CCDC7: variants seen among roughly 807,000 people sequenced by gnomAD.
CCDC7 encodes the protein coiled-coil domain-containing protein 7.
In CCDC7, 183 loss-of-function variants were observed where a neutral mutation model predicts 196.9. That is an observed-to-expected ratio of 0.93 (90% CI 0.82 to 1.05). The LOEUF is 1.05. Ranked by LOEUF, CCDC7 falls within the 50% of genes least tolerant of loss-of-function variation. CCDC7 has a pLI of 0.00. For missense variants in CCDC7, 1,540 were observed against 1,482.2 expected, an observed-to-expected ratio of 1.04 and a Z score of -0.64; for synonymous variants, 525 against 484.6, an observed-to-expected ratio of 1.08 and a Z score of -1.10.
intron 24 of CCDC7, among the ~76,000 whole-genome samples, chr10:32,708,820 A>G (rs1026019323): frequency 6.6e-6 from 1 of 152,196 alleles, no homozygotes; most frequent in Non-Finnish European, 1.5e-5. Flanking sequence ...GTCAGAAAAC[A>G]ACAGGTGCTG....
intron 20 of CCDC7, among the ~76,000 whole-genome samples, chr10:32,658,944 T>G (rs963818850): frequency 5.3e-5 from 8 of 152,208 alleles, no homozygotes; most frequent in African/African-American, 1.9e-4. Context: ...TTTGTATAGC[T>G]AAAATTTTGC....
At chr10:32,759,033 C>A (rs1485536366) in intron 28 of CCDC7, among the ~76,000 whole-genome samples, 2 of 152,180 alleles carry the variant, frequency 1.3e-5, no homozygotes, top group Middle Eastern at 6.8e-3. Context: ...ATCCAACTTA[C>A]AAGGGATGTG....
intron 18 of CCDC7, chr10:32,623,587 C>A (rs764696775): frequency 7.4e-5 from 28 of 376,798 alleles, no homozygotes; most frequent in Non-Finnish European, 1.2e-4. Flanking sequence ...CCCTTAGTTG[C>A]CTTACCTCAA....
chr10:32,533,279 A>ACACAC (rs1589608702), intron 11 of CCDC7, among the ~76,000 whole-genome samples: 2 of 150,726 alleles, frequency 1.3e-5, no homozygotes, highest in Non-Finnish European at 3.0e-5. Flanking sequence ...ACACACACAC[A>ACACAC]ATTCTACACT....
intron 28 of CCDC7, among the ~76,000 whole-genome samples, chr10:32,750,498 G>C (rs1339887086): frequency 6.6e-6 from 1 of 152,192 alleles, no homozygotes; most frequent in Non-Finnish European, 1.5e-5. Context: ...TCTATGGAGA[G>C]AGTAGTGTAA....
intron 8 of CCDC7, among the ~76,000 whole-genome samples, chr10:32,475,979 C>T (rs1460978521): frequency 3.3e-5 from 5 of 152,112 alleles, no homozygotes; most frequent in Non-Finnish European, 7.4e-5. Flanking sequence ...CCCCCATTCC[C>T]GCATAAAGCT....
Position 32,860,965 on chromosome 10 carries a change from C to T in CCDC7, c.4111+6476C>T, listed in dbSNP as rs1465659318. 4.0e-5 allele frequency among the ~76,000 whole-genome samples: 6 copies of T among 151,766 alleles called. No individual in the cohort carries two copies. In the East Asian group the frequency reaches 5.8e-4, roughly 15 times the overall value. On this transcript the variant is annotated intron_variant, in intron 41 of 41. Coordinates refer to ENST00000639629, the Ensembl canonical transcript of CCDC7. ...GGTCATGGATAGGAAGAATCAATAT[C>T]GTGAAAATGGCCATACTGCCCAAAG...
intron 21 of CCDC7, among the ~76,000 whole-genome samples, chr10:32,683,969 C>T (rs977207130): frequency 6.6e-6 from 1 of 152,156 alleles, no homozygotes; most frequent in African/African-American, 2.4e-5. Context: ...GTCTCTCTAT[C>T]CTCAGGGCAA....
intron 25 of CCDC7, among the ~76,000 whole-genome samples, chr10:32,713,913 C>G (rs2081211492): frequency 6.6e-6 from 1 of 152,186 alleles, no homozygotes; most frequent in African/African-American, 2.4e-5. Flanking sequence ...GGTTTGATAA[C>G]CAGCAGAATT....
chr10:32,535,628 C>T (rs2050350697), intron 11 of CCDC7, among the ~76,000 whole-genome samples: 1 of 152,102 alleles, frequency 6.6e-6, no homozygotes, highest in South Asian at 2.1e-4. Flanking sequence ...AGAGAAGGGG[C>T]TTGGAGACCA....
chr10:32,544,152 T>G (rs1200774665), intron 12 of CCDC7, 95 bp from the exon 14 acceptor site: 1 of 1,066,378 alleles, frequency 9.4e-7, no homozygotes, highest in African/African-American at 1.7e-5. Flanking sequence ...AAAACTTCAT[T>G]ATTTTAAAAT....
At chr10:32,499,925 G>T (rs537100443) in intron 9 of CCDC7, among the ~76,000 whole-genome samples, 10 of 152,356 alleles carry the variant, frequency 6.6e-5, no homozygotes, top group Non-Finnish European at 8.8e-5. Context: ...TGGGGGTAAG[G>T]TTATAGATTA....
intron 18 of CCDC7, among the ~76,000 whole-genome samples, chr10:32,597,131 GT>G (rs1436453089): frequency 6.6e-6 from 1 of 152,138 alleles, no homozygotes; most frequent in Non-Finnish European, 1.5e-5. Context: ...TTCCAACTTG[GT>G]TCCATTCTCC....
chr10:32,797,987 G>T (rs1211972666), intron 29 of CCDC7, among the ~76,000 whole-genome samples: 1 of 152,218 alleles, frequency 6.6e-6, no homozygotes, highest in African/African-American at 2.4e-5. Context: ...CCATGAGCAT[G>T]AGTCTACTGC....
exon 39 of CCDC7, chr10:32,848,702 A>C: frequency 6.5e-7 from 1 of 1,543,544 alleles, no homozygotes. Context: ...TCAATTTATC[A>C]CCCTTTGAAA....
intron 25 of CCDC7, among the ~76,000 whole-genome samples, chr10:32,713,046 C>A (rs1591940327): frequency 6.6e-6 from 1 of 152,150 alleles, no homozygotes; most frequent in Non-Finnish European, 1.5e-5. Flanking sequence ...TTCCACATAT[C>A]CCACGAAATA....
At chr10:32,730,194 C>T (rs2083724025) in intron 28 of CCDC7, among the ~76,000 whole-genome samples, 2 of 152,142 alleles carry the variant, frequency 1.3e-5, no homozygotes, top group African/African-American at 4.8e-5. Flanking sequence ...TTGTCCCCCA[C>T]ATGTCCATAT....
chr10:32,549,669 G>T (rs953277538), intron 13 of CCDC7, among the ~76,000 whole-genome samples: 1 of 152,088 alleles, frequency 6.6e-6, no homozygotes, highest in Non-Finnish European at 1.5e-5. Flanking sequence ...GTTGAATAGG[G>T]TGTCCTTTCC....
chr10:32,846,055 T>C, intron 36 of CCDC7, 96 bp downstream of exon 37: 1 of 879,214 alleles, frequency 1.1e-6, no homozygotes, highest in Non-Finnish European at 1.8e-6. Context: ...AGTACCTGTA[T>C]CATAGTACTT....
Sources: gnomAD v4.1 joint callset for allele counts (sites outside exome capture counted in the v4.1 genomes callset) on GRCh38, gnomAD v4.1.1 for gene constraint, MANE v1.5 for transcripts, NCBI Gene and HGNC (gene_info 2026-07-23, HGNC 2026-07-21) for gene names.